The following SEMA6A variants were observed in gnomAD, a reference collection of about 807,000 sequenced individuals.
SEMA6A encodes the protein semaphorin-6A.
SEMA6A carries 25 observed loss-of-function variants against 96.8 expected under a neutral mutation model. That is an observed-to-expected ratio of 0.26 (90% CI 0.19 to 0.36). The LOEUF is 0.36. Among genes scored for constraint, SEMA6A ranks in the 10% least tolerant of loss-of-function variants. The pLI is 1.00. For missense variants in SEMA6A, 1,363 were observed against 1,323.1 expected (o/e 1.03, Z -0.47); for synonymous variants, 612 against 518.0 (o/e 1.18, Z -2.46).
chr5:116,479,977 C>T, intron 12 of SEMA6A, 145 bp downstream of exon 12: 1 of 907,840 alleles, frequency 1.1e-6, no homozygotes. Flanking sequence ...TGGTATCCAA[C>T]CAATCGGCCA....
chr5:116,535,883 T>C (rs1013848689), intron 1 of SEMA6A, among the ~76,000 whole-genome samples: 8 of 152,228 alleles, frequency 5.3e-5, no homozygotes, highest in African/African-American at 1.9e-4. Context: ...AGCAAGAAGA[T>C]ATGCTGGTCA....
chr5:116,562,171 T>C (rs1005660075), intron 1 of SEMA6A, among the ~76,000 whole-genome samples: 87 of 152,308 alleles, frequency 5.7e-4, no homozygotes, highest in African/African-American at 2.1e-3. Context: ...ACCACTACCC[T>C]GGAACACAGT....
chr5:116,538,584 T>A (rs1759827308), intron 1 of SEMA6A, among the ~76,000 whole-genome samples: 1 of 152,208 alleles, frequency 6.6e-6, no homozygotes, highest in African/African-American at 2.4e-5. Context: ...AGAATTTCAA[T>A]TAGATGTGTT....
intron 15 of SEMA6A, among the ~76,000 whole-genome samples, chr5:116,477,501 A>T (rs902159172): frequency 1.3e-5 from 2 of 152,158 alleles, no homozygotes; most frequent in African/African-American, 2.4e-5. Flanking sequence ...ACCACTCACT[A>T]ATCTAATTGG....
intron 12 of SEMA6A, among the ~76,000 whole-genome samples, chr5:116,479,347 A>G (rs1341084141): frequency 1.3e-5 from 2 of 152,240 alleles, no homozygotes; most frequent in Non-Finnish European, 2.9e-5. Context: ...TTGACACTCC[A>G]TGGGGACCTA....
chr5:116,565,444 G>C (rs1367054490), intron 1 of SEMA6A, among the ~76,000 whole-genome samples: 1 of 152,224 alleles, frequency 6.6e-6, no homozygotes, highest in Non-Finnish European at 1.5e-5. Flanking sequence ...CCCAGCGACA[G>C]TGTCTAGCTA....
rs987617325 is a variant in SEMA6A, at chr5:116,482,527, A to G, written c.1011T>C (p.Ser337=). Residue 337 remains serine (S), a synonymous_variant, in exon 11 of 19, where the codon AGT becomes AGC. Coordinates refer to ENST00000343348, the MANE Select transcript of SEMA6A (RefSeq NM_020796.5). ...GTTCCTTGAATCTCCCAGTAAAAAC[A>G]CTGGCAATGTCAAGCATGTCATAGG... ...VCAYDMLDIA[S]VFTGRFKEQK... 6.2e-7 allele frequency: 1 copy of G among 1,613,708 alleles called. No homozygotes were observed. The highest frequency in any genetic ancestry group is 8.5e-7 in the Non-Finnish European group (1 of 1,179,700).
At position 116,495,821 on chromosome 5, in the gene SEMA6A, G is replaced by A. The variant is rs137940719; in HGVS notation, c.343-307C>T. 4.7e-3 allele frequency: 1,705 copies of A among 366,626 alleles called. 5 individuals are homozygous for A. The highest frequency in any genetic ancestry group is 6.0e-3 in the Admixed American group (136 of 22,660). The allele number at this position is 366,626 out of a possible 1,614,324, so 22.7% of individuals were successfully genotyped here. ...TAATTTTAATGCCAGATGCTCCAGC[G>A]TTCCCTGATGTACAAAGCTGCTGGT... On this transcript the variant is annotated intron_variant, in intron 5 of 18. Transcript: ENST00000343348.
intron 17 of SEMA6A, chr5:116,469,345 G>C (rs1307533233): frequency 6.6e-6 from 1 of 152,174 alleles, no homozygotes; most frequent in African/African-American, 2.4e-5. Context: ...CTCATGTCAT[G>C]ATACAGATAA....
intron 1 of SEMA6A, among the ~76,000 whole-genome samples, chr5:116,570,244 C>T (rs1040605540): frequency 6.6e-6 from 1 of 152,190 alleles, no homozygotes; most frequent in East Asian, 1.9e-4. Context: ...GAGAATAGCT[C>T]AGTTGCTCTT....
chr5:116,532,134 C>CT (rs1759509121), intron 1 of SEMA6A, among the ~76,000 whole-genome samples: 1 of 152,198 alleles, frequency 6.6e-6, no homozygotes, highest in African/African-American at 2.4e-5. Flanking sequence ...TGTTCGAGTG[C>CT]TATTTCTTTG....
intron 4 of SEMA6A, among the ~76,000 whole-genome samples, 195 bp from the exon 5 acceptor site, chr5:116,496,508 T>C (rs1464668667): frequency 6.6e-6 from 1 of 152,190 alleles, no homozygotes; most frequent in Non-Finnish European, 1.5e-5. Context: ...TGAACTCCTA[T>C]CTATTCATTA....
chr5:116,544,981 A>G (rs562083946), intron 1 of SEMA6A, among the ~76,000 whole-genome samples: 48 of 152,144 alleles, frequency 3.2e-4, no homozygotes, highest in African/African-American at 1.2e-3. Context: ...ACTAGCTCAC[A>G]TCTGTTCCCC....
At position 116,447,287 on chromosome 5, in the gene SEMA6A, C is replaced by T; in HGVS notation, c.2419G>A (p.Ala807Thr). The change falls in exon 19 of 19, where the codon GCC becomes ACC. Residue 807 changes from alanine to threonine, a missense_variant. Transcript: ENST00000343348. ...ACGCTGGGGATGTGGCTGGGGGAGG[C>T]CCGCAGGGGCAGGTCCGTGGGAATC... ...PVIPTDLPLR[A>T]SPSHIPSVVV... The T allele has an allele frequency of 6.2e-7, 1 of 1,613,746 alleles. No homozygotes were observed. The highest frequency in any genetic ancestry group is 8.5e-7 in the Non-Finnish European group (1 of 1,179,896).
chr5:116,466,378 CAA>C (rs536164347), intron 18 of SEMA6A, among the ~76,000 whole-genome samples: 12 of 63,906 alleles, frequency 1.9e-4, no homozygotes, highest in Non-Finnish European at 2.0e-4. Context: ...GACTCCATCT[CAA>C]AAAAAAAAAA....
chr5:116,457,626 T>G (rs1755097893), intron 18 of SEMA6A, among the ~76,000 whole-genome samples: 1 of 152,148 alleles, frequency 6.6e-6, no homozygotes, highest in Non-Finnish European at 1.5e-5. Flanking sequence ...TAATTAAGGG[T>G]GACAAACCTT....
chr5:116,545,837 CAA>C (rs950398198), intron 1 of SEMA6A, among the ~76,000 whole-genome samples: 2 of 152,090 alleles, frequency 1.3e-5, no homozygotes, highest in African/African-American at 2.4e-5. Context: ...AGATGCCATT[CAA>C]AAGAGGTGCT....
At chr5:116,498,179 C>G (rs1265939602) in intron 3 of SEMA6A, among the ~76,000 whole-genome samples, 1 of 152,138 alleles carries the variant, frequency 6.6e-6, no homozygotes, top group Admixed American at 6.6e-5. Context: ...AAGAAAAGAA[C>G]TACACTCAAC....
chr5:116,533,344 G>C (rs1262857876), intron 1 of SEMA6A, among the ~76,000 whole-genome samples: 1 of 147,556 alleles, frequency 6.8e-6, no homozygotes, highest in Non-Finnish European at 1.5e-5. Flanking sequence ...CTGCTGCTCT[G>C]TGCACAGATG....
Sources: allele counts gnomAD v4.1 joint callset (sites outside exome capture counted in the v4.1 genomes callset), GRCh38; gene constraint gnomAD v4.1.1; transcripts MANE v1.5; gene names NCBI Gene and HGNC (gene_info 2026-07-23, HGNC 2026-07-21).